TRIO: variants seen among roughly 807,000 people sequenced by gnomAD.
TRIO encodes trio Rho guanine nucleotide exchange factor.
Under a neutral mutation model 351.9 loss-of-function variants are expected in TRIO, and 58 were observed. The observed-to-expected ratio is 0.16, with a 90% confidence interval of 0.13 to 0.21. The LOEUF (loss-of-function observed/expected upper bound fraction) is 0.21, where lower values mean the gene tolerates loss of function less well. TRIO is among the 10% of genes least tolerant of loss of function. The probability of loss-of-function intolerance (pLI) is 1.00; values close to 1 mark genes in which losing one functional copy is unlikely to be tolerated. For synonymous variants in TRIO, 1,758 were observed against 1,595.7 expected, an observed-to-expected ratio of 1.10 and a Z score of -2.42; for missense variants, 3,201 against 4,027.8, an observed-to-expected ratio of 0.79 and a Z score of 5.56.
At chr5:14,416,846 C>T (rs1749687124) in intron 33 of TRIO, among the ~76,000 whole-genome samples, 1 of 152,338 alleles carries the variant, frequency 6.6e-6, no homozygotes, top group South Asian at 2.1e-4. Context: ...AGACAGTGCA[C>T]TTCCCAGCGT....
At chr5:14,429,979 A>G (rs892571319) in intron 34 of TRIO, among the ~76,000 whole-genome samples, 6 of 152,106 alleles carry the variant, frequency 3.9e-5, no homozygotes, top group African/African-American at 9.7e-5. Flanking sequence ...CTTAGTGATT[A>G]ACTCGTGCAC....
chr5:14,438,092 T>C (rs1244809678), intron 34 of TRIO, among the ~76,000 whole-genome samples: 1 of 152,126 alleles, frequency 6.6e-6, no homozygotes, highest in Non-Finnish European at 1.5e-5. Flanking sequence ...AAAACAGAAG[T>C]TCTTGTTTTC....
chr5:14,284,812 A>G (rs1158561659), intron 3 of TRIO, among the ~76,000 whole-genome samples: 1 of 152,206 alleles, frequency 6.6e-6, no homozygotes, highest in Non-Finnish European at 1.5e-5. Flanking sequence ...CCGTTTTACA[A>G]TCTCCTGTCT....
chr5:14,358,155 C>T lies in TRIO; in HGVS notation c.2047-23C>T, dbSNP rs6869958. 9,109 of 1,603,652 alleles carry T rather than the reference C, an allele frequency of 5.7e-3. 488 individuals are homozygous for T. In the African/African-American group the frequency reaches 0.11, roughly 19 times the overall value. On this transcript the variant is annotated intron_variant, in intron 11 of 56. Transcript: ENST00000344204. ...GTGGTGCAGCCAGGCCGGCCGGCCT[C>T]ACCCCCCTCTCCCCTTCCCCAGCTG...
chr5:14,414,128 G>T (rs116073996), intron 33 of TRIO, among the ~76,000 whole-genome samples: 3 of 152,182 alleles, frequency 2.0e-5, no homozygotes, highest in Non-Finnish European at 4.4e-5. Flanking sequence ...AGTGCACTAC[G>T]TGAGGCAGGT....
chr5:14,325,561 C>T (rs896871460), intron 9 of TRIO, among the ~76,000 whole-genome samples: 2 of 152,212 alleles, frequency 1.3e-5, no homozygotes, highest in African/African-American at 4.8e-5. Flanking sequence ...AGGGATCTGC[C>T]CCCATGACTG....
At chr5:14,496,772 C>G (rs1756920905) in intron 49 of TRIO, 107 bp from the exon 50 acceptor site, 1 of 1,446,812 alleles carries the variant, frequency 6.9e-7, no homozygotes, top group East Asian at 2.3e-5. Flanking sequence ...TTTCCCATCC[C>G]CCTGCACACA....
At chr5:14,146,813 T>C (rs1040452545) in intron 1 of TRIO, among the ~76,000 whole-genome samples, 1 of 152,192 alleles carries the variant, frequency 6.6e-6, no homozygotes, top group South Asian at 2.1e-4. Context: ...AGTTCAGGGC[T>C]CCAGAGCCCT....
At chr5:14,245,720 C>A (rs1794397998) in intron 1 of TRIO, among the ~76,000 whole-genome samples, 1 of 152,188 alleles carries the variant, frequency 6.6e-6, no homozygotes, top group African/African-American at 2.4e-5. Context: ...CACAGAGGTC[C>A]CTGAGAAGAA....
chr5:14,186,547 G>T (rs1455999872), intron 1 of TRIO, among the ~76,000 whole-genome samples: 2 of 152,056 alleles, frequency 1.3e-5, no homozygotes, highest in Non-Finnish European at 1.5e-5. Flanking sequence ...GAATGAGTCG[G>T]CCTGTCGTTT....
intron 9 of TRIO, among the ~76,000 whole-genome samples, chr5:14,318,307 T>G (rs1739560631): frequency 1.6e-5 from 2 of 128,064 alleles, no homozygotes; most frequent in African/African-American, 7.0e-5. Context: ...AAAAAAAAAT[T>G]AGCCTGGCGT....
At chr5:14,253,324 G>A (rs1026250462) in intron 1 of TRIO, among the ~76,000 whole-genome samples, 2 of 152,168 alleles carry the variant, frequency 1.3e-5, no homozygotes, top group African/African-American at 2.4e-5. Context: ...AGGATTGAAG[G>A]TATGTAGTGA....
chr5:14,156,221 C>T (rs912830724), intron 1 of TRIO, among the ~76,000 whole-genome samples: 1 of 152,166 alleles, frequency 6.6e-6, no homozygotes, highest in African/African-American at 2.4e-5. Context: ...GCACAATAAA[C>T]TGTTCCAGGT....
intron 1 of TRIO, among the ~76,000 whole-genome samples, chr5:14,249,778 C>T (rs1794635226): frequency 6.6e-6 from 1 of 152,156 alleles, no homozygotes; most frequent in South Asian, 2.1e-4. Context: ...GGTTTAAAAA[C>T]CTGCATCCTC....
chr5:14,410,333 C>G (rs538897075), intron 33 of TRIO, among the ~76,000 whole-genome samples: 11 of 152,178 alleles, frequency 7.2e-5, no homozygotes, highest in Admixed American at 5.2e-4. Flanking sequence ...CCTCCTTATG[C>G]CTCTCCAGTA....
intron 9 of TRIO, among the ~76,000 whole-genome samples, chr5:14,319,336 G>T (rs1189985965): frequency 6.6e-6 from 1 of 152,200 alleles, no homozygotes; most frequent in Non-Finnish European, 1.5e-5. Context: ...GACTTGTGAG[G>T]TAAAGAGTGA....
At chr5:14,433,580 C>G (rs1464785466) in intron 34 of TRIO, among the ~76,000 whole-genome samples, 1 of 152,164 alleles carries the variant, frequency 6.6e-6, no homozygotes, top group Non-Finnish European at 1.5e-5. Flanking sequence ...TCCAGAATTA[C>G]TACTTTAAAA....
intron 34 of TRIO, among the ~76,000 whole-genome samples, chr5:14,456,206 G>A (rs1753289571): frequency 6.6e-6 from 1 of 152,234 alleles, no homozygotes; most frequent in South Asian, 2.1e-4. Context: ...ACTCTTGCAG[G>A]CGCTAGCCTG....
intron 1 of TRIO, among the ~76,000 whole-genome samples, chr5:14,171,932 T>G (rs950041480): frequency 3.3e-5 from 5 of 152,228 alleles, no homozygotes; most frequent in Non-Finnish European, 7.3e-5. Flanking sequence ...TTTGCAAAAG[T>G]GAGCAAAGAT....
Sources: allele counts gnomAD v4.1 joint callset (sites outside exome capture counted in the v4.1 genomes callset), GRCh38; gene constraint gnomAD v4.1.1; transcripts MANE v1.5; gene names NCBI Gene and HGNC (gene_info 2026-07-23, HGNC 2026-07-21).